The following NFIB variants were observed in gnomAD, a reference collection of about 807,000 sequenced individuals.
NFIB encodes nuclear factor 1 B-type.
Under a neutral mutation model 61.5 loss-of-function variants are expected in NFIB, and 11 were observed. That is an observed-to-expected ratio of 0.18 (90% CI 0.11 to 0.30). The LOEUF is 0.30. NFIB is among the 10% of genes least tolerant of loss of function. The probability of loss-of-function intolerance (pLI) is 1.00; values close to 1 mark genes in which losing one functional copy is unlikely to be tolerated. For synonymous variants in NFIB, 260 were observed against 216.5 expected, an observed-to-expected ratio of 1.20 and a Z score of -1.76; for missense variants, 471 against 608.9, an observed-to-expected ratio of 0.77 and a Z score of 2.38.
intron 10 of NFIB, among the ~76,000 whole-genome samples, chr9:14,089,624 G>A (rs1465492640): frequency 1.3e-5 from 2 of 152,102 alleles, no homozygotes. Flanking sequence ...ACTCATATTA[G>A]TCATGGCCTA....
In NFIB at chr9:14,313,346, G is replaced by T; in HGVS notation, c.30+136C>A. 8.0e-7 allele frequency: 1 copy of T among 1,243,652 alleles called. No homozygotes were observed. Among genetic ancestry groups the T allele is most frequent in the Non-Finnish European group, 1.1e-6 (1 of 918,298 alleles). 77.0% of individuals were successfully genotyped at this position (1,243,652 alleles called of 1,614,324 possible). A position where few individuals can be genotyped will look rare whatever the true frequency, so the allele number is the denominator to read the frequency against. On this transcript the variant is annotated intron_variant, in intron 1 of 10. Coordinates refer to ENST00000380953, the MANE Select transcript of NFIB (RefSeq NM_001190737.2). The surrounding 1 kb of genome is among the most constrained non-coding windows in gnomAD (Gnocchi z 4.5). The stretch of plus-strand genomic sequence containing the variant: ...GCTCCCACGCCGCCCCGCGACGCCC[G>T]CTGCAACTCCGGGCCACTTCTCCAA...
chr9:14,115,641 G>A (rs16931356), intron 9 of NFIB, among the ~76,000 whole-genome samples: 12,432 of 152,160 alleles, frequency 0.082, 1,631 homozygotes, highest in African/African-American at 0.28. Context: ...CTTGCAGATA[G>A]TGAAAGTACA....
chr9:14,529,955 G>A, the NFIB span, among the ~76,000 whole-genome samples: 1 of 152,142 alleles, frequency 6.6e-6, no homozygotes, highest in Admixed American at 6.5e-5. Flanking sequence ...CTTCTCTTGA[G>A]AAGCTGCAAT....
At chr9:14,430,887 A>G in the NFIB span, among the ~76,000 whole-genome samples, 1 of 152,140 alleles carries the variant, frequency 6.6e-6, no homozygotes. Context: ...CGGCCCTGAA[A>G]TGCTTTATAA....
At chr9:14,248,303 A>C (rs1264271810) in intron 2 of NFIB, among the ~76,000 whole-genome samples, 1,394 of 77,728 alleles carry the variant, frequency 0.018, no homozygotes, top group African/African-American at 0.029. Flanking sequence ...CCTCTCCTCC[A>C]CTCCCCTCCC....
chr9:14,202,879 T>C (rs183003091), intron 2 of NFIB, among the ~76,000 whole-genome samples: 69 of 152,342 alleles, frequency 4.5e-4, no homozygotes, highest in Non-Finnish European at 3.8e-4. Context: ...AAACGATCTA[T>C]TGACTAGCTT....
the NFIB span, among the ~76,000 whole-genome samples, chr9:14,528,164 C>A: frequency 3.3e-5 from 5 of 152,274 alleles, no homozygotes; most frequent in East Asian, 9.6e-4. Context: ...TGAAAACAAT[C>A]TTTTCAATGT....
intron 2 of NFIB, among the ~76,000 whole-genome samples, chr9:14,254,856 AAAT>A (rs2056060242): frequency 6.6e-6 from 1 of 152,174 alleles, no homozygotes. Flanking sequence ...CTAGAGGCCT[AAAT>A]AATAATAATG....
In NFIB at chr9:14,125,737, G is replaced by T. The variant is rs544162821; in HGVS notation, c.955C>A (p.Pro319Thr). 80 of 1,614,096 alleles carry T rather than the reference G, an allele frequency of 5.0e-5. No individual in the cohort carries two copies. The Middle Eastern group carries it at 8.3e-4, about 17-fold the overall frequency. ...GCAGAGCTGAACAATGGCTTTTCAG[G>T]CTTCTTCATAGTAGTCGGAGAAGAC... is the stretch of plus-strand genomic sequence containing the variant. ...DMSSPTTMKK[P>T]EKPLFSSASP... is the part of the protein sequence containing the mutation. Residue 319 changes from proline to threonine, a missense_variant, in exon 7 of 11, where the codon CCT (proline) becomes ACT (threonine). Physicochemically the swap from Pro to Thr is conservative, Grantham distance 38. Transcript: ENST00000380953.
chr9:14,124,243 G>A (rs1434346748), intron 7 of NFIB, among the ~76,000 whole-genome samples: 2 of 152,080 alleles, frequency 1.3e-5, no homozygotes, highest in Admixed American at 6.6e-5. Context: ...ATTTTCATCA[G>A]GTGTCGTAAC....
chr9:14,252,320 C>A (rs1022325582), intron 2 of NFIB, among the ~76,000 whole-genome samples: 32 of 152,110 alleles, frequency 2.1e-4, no homozygotes, highest in Admixed American at 7.9e-4. Flanking sequence ...TGGCACTTTG[C>A]ATTTATTTAT....
At chr9:14,104,419 G>A (rs917174714) in intron 10 of NFIB, among the ~76,000 whole-genome samples, 2 of 145,972 alleles carry the variant, frequency 1.4e-5, no homozygotes, top group African/African-American at 5.0e-5. Context: ...ATTGTCTTCT[G>A]TTTTTTTTTT....
At chr9:14,226,031 T>G (rs937503876) in intron 2 of NFIB, among the ~76,000 whole-genome samples, 2 of 152,196 alleles carry the variant, frequency 1.3e-5, no homozygotes, top group African/African-American at 4.8e-5. Context: ...CTGTCATTGT[T>G]AAATACAGCA....
intron 7 of NFIB, 146 bp downstream of exon 7, chr9:14,125,486 A>T (rs1266542618): frequency 6.8e-6 from 8 of 1,177,824 alleles, no homozygotes; most frequent in Non-Finnish European, 9.4e-6. Flanking sequence ...AGAAGAAAAA[A>T]TACTTGATCG....
chr9:14,316,520 A>G (rs1442437440), upstream of NFIB, among the ~76,000 whole-genome samples: 2 of 152,274 alleles, frequency 1.3e-5, no homozygotes, highest in Non-Finnish European at 2.9e-5. Flanking sequence ...GCGTTCTGAC[A>G]ACGTTAATTT....
intron 1 of NFIB, among the ~76,000 whole-genome samples, chr9:14,395,134 G>A (rs2061668522): frequency 1.3e-5 from 2 of 151,958 alleles, no homozygotes; most frequent in African/African-American, 2.4e-5. Flanking sequence ...GTGCCAAGAT[G>A]TCAGTGTATG....
intron 2 of NFIB, among the ~76,000 whole-genome samples, chr9:14,254,143 G>T (rs1390598237): frequency 1.3e-5 from 2 of 151,806 alleles, no homozygotes; most frequent in Non-Finnish European, 2.9e-5. Flanking sequence ...TCTAGTAAAA[G>T]TACAAAAATT....
At chr9:14,188,110 C>T (rs2047574903) in intron 2 of NFIB, among the ~76,000 whole-genome samples, 1 of 152,172 alleles carries the variant, frequency 6.6e-6, no homozygotes. Flanking sequence ...CTACAGAATG[C>T]AAAAACACCG....
chr9:14,262,286 C>G (rs1287454585), intron 2 of NFIB, among the ~76,000 whole-genome samples: 1 of 152,138 alleles, frequency 6.6e-6, no homozygotes, highest in Non-Finnish European at 1.5e-5. Context: ...CTGCTGGATC[C>G]CTCCCAGAGA....
Sources: allele counts gnomAD v4.1 joint callset (sites outside exome capture counted in the v4.1 genomes callset), GRCh38; gene constraint gnomAD v4.1.1; non-coding constraint Gnocchi (gnomAD v3.1); transcripts MANE v1.5; gene names NCBI Gene and HGNC (gene_info 2026-07-23, HGNC 2026-07-21).